NRG2: variants seen among roughly 807,000 people sequenced by gnomAD.
The protein encoded by NRG2 is pro-neuregulin-2, membrane-bound isoform.
NRG2 carries 27 observed loss-of-function variants against 73.9 expected under a neutral mutation model. That is an observed-to-expected ratio of 0.37 (90% CI 0.27 to 0.50). The LOEUF (loss-of-function observed/expected upper bound fraction) is 0.50. Among genes scored for constraint, NRG2 ranks in the 20% least tolerant of loss-of-function variants. NRG2 has a pLI of 0.96. For missense variants in NRG2, 1,126 were observed against 1,210.1 expected (o/e 0.93, Z 1.03); for synonymous variants, 532 against 541.0 (o/e 0.98, Z 0.23).
At chr5:139,987,367 C>CAAAA (rs34895532) in intron 1 of NRG2, among the ~76,000 whole-genome samples, 12 of 33,216 alleles carry the variant, frequency 3.6e-4, no homozygotes, top group Admixed American at 9.7e-4. Context: ...GACTCTGTCT[C>CAAAA]AAAAAAAAAA....
In NRG2 at chr5:139,871,714, C is replaced by T; in HGVS notation, c.1112+7G>A. ...TGCTCCCATGCCCACCCCTACTGGT[C>T]ACTTACTTGCAGGAGAGCTGGTTGA... On this transcript the variant is annotated splice_region_variant and intron_variant, in intron 4 of 9. Coordinates refer to ENST00000361474, the MANE Select transcript of NRG2 (RefSeq NM_004883.3). 1 of 1,613,898 alleles carries T rather than the reference C, an allele frequency of 6.2e-7. No homozygotes were observed. Among genetic ancestry groups the T allele is most frequent in the Non-Finnish European group, 8.5e-7 (1 of 1,179,870 alleles).
intron 1 of NRG2, among the ~76,000 whole-genome samples, chr5:139,897,944 G>A (rs1764647781): frequency 1.3e-5 from 2 of 152,196 alleles, no homozygotes; most frequent in Admixed American, 1.3e-4. Context: ...CTCCTTCCAT[G>A]AGACTGACCC....
At chr5:139,991,705 A>G (rs1459996011) in intron 1 of NRG2, among the ~76,000 whole-genome samples, 2 of 152,114 alleles carry the variant, frequency 1.3e-5, no homozygotes, top group Non-Finnish European at 2.9e-5. Flanking sequence ...CTACATTTCC[A>G]TTCTTAAACC....
At chr5:139,882,457 A>G (rs1344455254) in intron 2 of NRG2, among the ~76,000 whole-genome samples, 1 of 152,146 alleles carries the variant, frequency 6.6e-6, no homozygotes, top group Non-Finnish European at 1.5e-5. Flanking sequence ...TAACTATACC[A>G]TATTCTTCCT....
Position 139,847,845 on chromosome 5 carries a change from T to C in NRG2, c.*72A>G. The stretch of plus-strand genomic sequence containing the variant: ...TTTTTATTTCTTTTTTCCTCCTTTC[T>C]CTCCAGTAGGCGGTCTCTGGTCTCC... On this transcript the variant is annotated 3_prime_UTR_variant, in exon 10 of 10. Transcript: ENST00000361474. 1.2e-6 allele frequency: 1 copy of C among 836,152 alleles called. No individual in the cohort carries two copies. The highest frequency in any genetic ancestry group is 1.6e-6 in the Non-Finnish European group (1 of 613,428). 51.8% of individuals were successfully genotyped at this position (836,152 alleles called of 1,614,324 possible). A position where few individuals can be genotyped will look rare whatever the true frequency, so the allele number is the denominator to read the frequency against.
Position 139,938,878 on chromosome 5 carries a change from GA to G in NRG2, c.701-51368del, listed in dbSNP as rs1561693505. On this transcript the variant is annotated intron_variant, in intron 1 of 9. Coordinates refer to ENST00000361474, the MANE Select transcript of NRG2 (RefSeq NM_004883.3). ...AGAGAGAGAGAGAGAGAGAGAGAGAGAGAAGGAAAGAAAGAAAGAAAGAAAG... is the reference window on the plus strand; with the variant it reads ...AGAGAGAGAGAGAGAGAGAGAGAGAGGAAGGAAAGAAAGAAAGAAAGAAAG... Among the ~76,000 whole-genome samples, 266 of 84,338 alleles carry G rather than the reference GA, an allele frequency of 3.2e-3. 6 individuals are homozygous for G. The highest frequency in any genetic ancestry group is 6.0e-3 in the South Asian group (10 of 1,676). The allele number at this position is 84,338 out of a possible 152,430, so 55.3% of individuals were successfully genotyped here.
intron 3 of NRG2, among the ~76,000 whole-genome samples, chr5:139,877,660 C>T (rs1763267875): frequency 6.6e-6 from 1 of 152,184 alleles, no homozygotes; most frequent in South Asian, 2.1e-4. Flanking sequence ...CACATGGTAG[C>T]AGAAGTGGTG....
intron 3 of NRG2, among the ~76,000 whole-genome samples, chr5:139,877,006 C>G (rs1219853507): frequency 6.6e-6 from 1 of 151,600 alleles, no homozygotes; most frequent in Non-Finnish European, 1.5e-5. Context: ...AAGAGACTGG[C>G]CCAGAGGCCT....
At position 139,904,669 on chromosome 5, in the gene NRG2, T is replaced by C. The variant is rs1765117925; in HGVS notation, c.701-17158A>G. ...CACCGAGGTAGGCAAGACCGGCGCC[T>C]AAACAGGGCGCCACAGACCTCCTCG... On this transcript the variant is annotated intron_variant, in intron 1 of 9. Transcript: ENST00000361474. This position sits in a 1 kb window ranked among gnomAD's most constrained non-coding sequence, Gnocchi z 6.0. Among the ~76,000 whole-genome samples the C allele has an allele frequency of 6.6e-6, 1 of 151,946 alleles. No individual in the cohort carries two copies. Among genetic ancestry groups the C allele is most frequent in the South Asian group, 2.1e-4 (1 of 4,824 alleles).
intron 1 of NRG2, among the ~76,000 whole-genome samples, chr5:140,019,037 T>G (rs1456881908): frequency 6.6e-6 from 1 of 152,140 alleles, no homozygotes; most frequent in Admixed American, 6.5e-5. Context: ...AGGCAGGGAA[T>G]CACGGGGAGG....
At chr5:139,955,419 G>A (rs1186792732) in intron 1 of NRG2, among the ~76,000 whole-genome samples, 1 of 152,174 alleles carries the variant, frequency 6.6e-6, no homozygotes, top group Non-Finnish European at 1.5e-5. Context: ...GGAAGGTTAA[G>A]AATGGACTGT....
Position 139,856,015 on chromosome 5 carries a change from T to G in NRG2, c.1190-237A>C. 1 of 538,420 alleles carries G rather than the reference T, an allele frequency of 1.9e-6. No homozygotes were observed. The highest frequency in any genetic ancestry group is 3.4e-6 in the Non-Finnish European group (1 of 297,470). The allele number at this position is 538,420 out of a possible 1,614,324, so 33.4% of individuals were successfully genotyped here. ...CTGGTCACACACAACTCCTCCTGAG[T>G]TCCCCTCCCCAAGCCCCATGCCTGC... On this transcript the variant is annotated intron_variant, in intron 5 of 9. Transcript: ENST00000361474. This position sits in a 1 kb window ranked among gnomAD's most constrained non-coding sequence, Gnocchi z 4.2.
At chr5:140,005,416 T>G (rs1758817265) in intron 1 of NRG2, among the ~76,000 whole-genome samples, 1 of 152,218 alleles carries the variant, frequency 6.6e-6, no homozygotes, top group Non-Finnish European at 1.5e-5. Context: ...TCCCCAGCAC[T>G]ATGAACATAG....
At chr5:140,007,626 T>G (rs2126637139) in intron 1 of NRG2, among the ~76,000 whole-genome samples, 1 of 152,286 alleles carries the variant, frequency 6.6e-6, no homozygotes, top group African/African-American at 2.4e-5. Flanking sequence ...GTGACAATTT[T>G]AGACTTCACT....
At chr5:140,000,299 C>T (rs1310344190) in intron 1 of NRG2, among the ~76,000 whole-genome samples, 1 of 152,226 alleles carries the variant, frequency 6.6e-6, no homozygotes, top group East Asian at 1.9e-4. Flanking sequence ...ATTGCCTACA[C>T]ACCTCTGTGC....
chr5:139,944,965 C>A (rs766835837), intron 1 of NRG2, among the ~76,000 whole-genome samples: 1 of 151,928 alleles, frequency 6.6e-6, no homozygotes. Flanking sequence ...TGAGATGATA[C>A]CTCATTGTGG....
In NRG2 at chr5:139,962,279, T is replaced by C. The variant is rs548860768; in HGVS notation, c.701-74768A>G. ...GAACGGGGGATAGCTAAAGAGAGCA[T>C]AGAAAGAGGGAGGCTGTGTTGGAGA... On this transcript the variant is annotated intron_variant, in intron 1 of 9. Coordinates refer to ENST00000361474, the MANE Select transcript of NRG2 (RefSeq NM_004883.3). Among the ~76,000 whole-genome samples the C allele has an allele frequency of 4.0e-5, 6 of 151,408 alleles. No individual in the cohort carries two copies. The East Asian group carries it at 9.7e-4, about 25-fold the overall frequency.
intron 1 of NRG2, among the ~76,000 whole-genome samples, chr5:139,890,651 G>A (rs897980157): frequency 1.3e-5 from 2 of 151,812 alleles, no homozygotes; most frequent in Non-Finnish European, 2.9e-5. Context: ...CTTATGTTAG[G>A]TCTTAACCCT....
chr5:139,851,654 T>C lies in NRG2; in HGVS notation c.1722A>G (p.Pro574=). 2 of 1,614,052 alleles carry C rather than the reference T, an allele frequency of 1.2e-6. No homozygotes were observed. Among genetic ancestry groups the C allele is most frequent in the South Asian group, 1.1e-5 (1 of 91,072 alleles). ...NLEERRRATA[P]PYHDSVDSLR... The stretch of plus-strand genomic sequence containing the variant: ...GGGAGTCCACGGAATCGTGATAGGG[T>C]GGCGCGGTGGCCCTGCGCCGCTCCT... The change falls in exon 9 of 10, where the codon CCA becomes CCG. Residue 574 remains proline (P), a synonymous_variant. Coordinates refer to ENST00000361474, the MANE Select transcript of NRG2 (RefSeq NM_004883.3). The surrounding 1 kb of genome is among the most constrained non-coding windows in gnomAD (Gnocchi z 4.2).
Sources: gnomAD v4.1 joint callset for allele counts (sites outside exome capture counted in the v4.1 genomes callset) on GRCh38, gnomAD v4.1.1 for gene constraint, Gnocchi (gnomAD v3.1) non-coding constraint, MANE v1.5 for transcripts, NCBI Gene and HGNC (gene_info 2026-07-23, HGNC 2026-07-21) for gene names.